The following GRAMD1B variants were observed in gnomAD, a reference collection of about 807,000 sequenced individuals.
GRAMD1B encodes the protein protein Aster-B.
In GRAMD1B, 37 loss-of-function variants were observed where a neutral mutation model predicts 99.7. The ratio of observed to expected loss-of-function variants is 0.37; its 90% CI spans 0.29 to 0.49. The LOEUF is 0.49. Among genes scored for constraint, GRAMD1B ranks in the 20% least tolerant of loss-of-function variants. GRAMD1B has a pLI of 0.98. For missense variants in GRAMD1B, 888 were observed against 1,009.2 expected (o/e 0.88, Z 1.63); for synonymous variants, 427 against 387.6 (o/e 1.10, Z -1.19).
chr11:123,365,091 G>C (rs1284630134), intron 1 of GRAMD1B, among the ~76,000 whole-genome samples: 1 of 152,052 alleles, frequency 6.6e-6, no homozygotes, highest in Non-Finnish European at 1.5e-5. Context: ...TTTTGCATAA[G>C]GAATTATTAT....
Position 123,591,499 on chromosome 11 carries a change from C to G in GRAMD1B, c.685-2583C>G. The G allele has an allele frequency of 2.5e-6, 1 of 398,940 alleles. No homozygotes were observed. Among genetic ancestry groups the G allele is most frequent in the Non-Finnish European group, 4.4e-6 (1 of 226,068 alleles). 24.7% of individuals were successfully genotyped at this position (398,940 alleles called of 1,614,324 possible). On this transcript the variant is annotated intron_variant, in intron 4 of 19. Coordinates refer to ENST00000635736, the MANE Select transcript of GRAMD1B (RefSeq NM_001387025.1). This position sits in a 1 kb window ranked among gnomAD's most constrained non-coding sequence, Gnocchi z 4.7. Reference sequence around the variant, plus strand: ...AGCAGCTTGGCCATGCACCTGCTGCCGCTGAACACCGTTGCTGGCACGGAT... The same window carrying G: ...AGCAGCTTGGCCATGCACCTGCTGCGGCTGAACACCGTTGCTGGCACGGAT...
At chr11:123,503,431 T>C (rs1480651954) in intron 2 of GRAMD1B, among the ~76,000 whole-genome samples, 1 of 152,194 alleles carries the variant, frequency 6.6e-6, no homozygotes, top group Non-Finnish European at 1.5e-5. Context: ...GGAGTCCCCA[T>C]TGTTCTTAAC....
rs544957098 is a variant in GRAMD1B, at chr11:123,522,968, G to T, written c.452+42075G>T. ...ATAGTGAATAAGAGAATAGGTTTTT[G>T]AGCTGGGCACGCCTGCATTCAAATT... On this transcript the variant is annotated intron_variant, in intron 2 of 19. Coordinates refer to ENST00000635736, the MANE Select transcript of GRAMD1B (RefSeq NM_001387025.1). Among the ~76,000 whole-genome samples, 11 of 152,314 alleles carry T rather than the reference G, an allele frequency of 7.2e-5. No individual in the cohort carries two copies. In the East Asian group the frequency reaches 1.9e-3, roughly 27 times the overall value.
chr11:123,575,115 C>G (rs1197908659), intron 2 of GRAMD1B, among the ~76,000 whole-genome samples: 2 of 152,042 alleles, frequency 1.3e-5, no homozygotes, highest in East Asian at 1.9e-4. Flanking sequence ...GTGAGGAGTT[C>G]TCATGCTTTG....
At chr11:123,449,714 C>CTTTTGTTTTTTTTTTTT (rs1949797484) in intron 1 of GRAMD1B, among the ~76,000 whole-genome samples, 1 of 99,986 alleles carries the variant, frequency 1.0e-5, no homozygotes, top group African/African-American at 3.9e-5. Context: ...CCATGCCTGG[C>CTTTTGTTTTTTTTTTTT]TTTTTTTTTT....
chr11:123,553,602 C>T (rs1192684327), intron 2 of GRAMD1B, among the ~76,000 whole-genome samples: 2 of 152,202 alleles, frequency 1.3e-5, no homozygotes, highest in South Asian at 2.1e-4. Context: ...ACATCACTCA[C>T]CTCATGAGAG....
intron 1 of GRAMD1B, among the ~76,000 whole-genome samples, chr11:123,390,281 A>C (rs960854957): frequency 2.0e-5 from 3 of 152,188 alleles, no homozygotes; most frequent in Non-Finnish European, 4.4e-5. Context: ...ACATGAAATA[A>C]ATGCAGACTT....
chr11:123,606,286 T>G (rs75566928), intron 10 of GRAMD1B, among the ~76,000 whole-genome samples: 1 of 152,260 alleles, frequency 6.6e-6, no homozygotes, highest in Non-Finnish European at 1.5e-5. Context: ...AGGTACTACC[T>G]GGAGGCAGGC....
At position 123,431,176 on chromosome 11, in the gene GRAMD1B, C is replaced by G. The variant is rs781340960; in HGVS notation, c.374+10C>G. On this transcript the variant is annotated intron_variant, in intron 1 of 19. Coordinates refer to ENST00000635736, the MANE Select transcript of GRAMD1B (RefSeq NM_001387025.1). ...AGTGCAGTGAAAGCAGGTACGTCCCCGTTCCGCCCGTCTCCTTCCCTTCCC... is the reference window on the plus strand; with the variant it reads ...AGTGCAGTGAAAGCAGGTACGTCCCGGTTCCGCCCGTCTCCTTCCCTTCCC... 7 of 692,840 alleles carry G rather than the reference C, an allele frequency of 1.0e-5. No homozygotes were observed. The highest frequency in any genetic ancestry group is 8.7e-5 in the African/African-American group (5 of 57,150). 42.9% of individuals were successfully genotyped at this position (692,840 alleles called of 1,614,324 possible).
chr11:123,428,959 A>G (rs1387203026), upstream of GRAMD1B, among the ~76,000 whole-genome samples: 2 of 152,214 alleles, frequency 1.3e-5, no homozygotes, highest in Non-Finnish European at 2.9e-5. Flanking sequence ...TGGGAGGCCA[A>G]GGTGGGCAGA....
In GRAMD1B at chr11:123,529,499, G is replaced by C. The variant is rs191596041; in HGVS notation, c.453-47868G>C. ...TCTCTCAATAGGGTAAGAGCTTTAG[G>C]CTGTCTCCAAAGAGGATTCTATGAT... On this transcript the variant is annotated intron_variant, in intron 2 of 19. Transcript: ENST00000635736. 7.9e-5 allele frequency among the ~76,000 whole-genome samples: 12 copies of C among 152,262 alleles called. No individual in the cohort carries two copies. The East Asian group carries it at 2.3e-3, about 29-fold the overall frequency.
chr11:123,531,795 G>T (rs151133721), intron 2 of GRAMD1B, among the ~76,000 whole-genome samples: 2 of 142,462 alleles, frequency 1.4e-5, no homozygotes, highest in Non-Finnish European at 3.0e-5. Context: ...AAGTGCAATG[G>T]TGCGATCTCG....
chr11:123,530,801 G>A (rs1943277838), intron 2 of GRAMD1B, among the ~76,000 whole-genome samples: 1 of 152,150 alleles, frequency 6.6e-6, no homozygotes, highest in South Asian at 2.1e-4. Context: ...GTGAGTTGCG[G>A]TGAAGGTTGG....
At chr11:123,554,935 T>C (rs1946018230) in intron 2 of GRAMD1B, among the ~76,000 whole-genome samples, 1 of 152,158 alleles carries the variant, frequency 6.6e-6, no homozygotes, top group African/African-American at 2.4e-5. Context: ...TTGCCCAGTG[T>C]ATGGCACAGA....
chr11:123,506,269 A>G (rs1251413482), intron 2 of GRAMD1B, among the ~76,000 whole-genome samples: 2 of 152,110 alleles, frequency 1.3e-5, no homozygotes. Flanking sequence ...GGCTCTTCCT[A>G]AAGAAGCAAG....
chr11:123,476,398 G>T (rs1951278234), intron 1 of GRAMD1B, among the ~76,000 whole-genome samples: 1 of 152,214 alleles, frequency 6.6e-6, no homozygotes, highest in African/African-American at 2.4e-5. Context: ...ACCGCACCCG[G>T]CCCATTTAAC....
intron 1 of GRAMD1B, among the ~76,000 whole-genome samples, chr11:123,475,130 C>T (rs186099701): frequency 1.3e-5 from 2 of 152,220 alleles, no homozygotes; most frequent in East Asian, 1.9e-4. Flanking sequence ...CCTGGTGGTT[C>T]GTGGGTTTAG....
chr11:123,505,311 C>T (rs376598060), intron 2 of GRAMD1B, among the ~76,000 whole-genome samples: 2 of 152,122 alleles, frequency 1.3e-5, no homozygotes, highest in East Asian at 1.9e-4. Context: ...GGATTATAGA[C>T]GCGAGCCATC....
At chr11:123,606,907 G>A in intron 11 of GRAMD1B, 109 bp downstream of exon 11, 1 of 792,026 alleles carries the variant, frequency 1.3e-6, no homozygotes, top group Non-Finnish European at 2.0e-6. Flanking sequence ...GTGGAGAGAT[G>A]GGAGCAGAGC....
Sources: allele counts gnomAD v4.1 joint callset (sites outside exome capture counted in the v4.1 genomes callset), GRCh38; gene constraint gnomAD v4.1.1; non-coding constraint Gnocchi (gnomAD v3.1); transcripts MANE v1.5; gene names NCBI Gene and HGNC (gene_info 2026-07-23, HGNC 2026-07-21).